WDPCP: variants seen among roughly 807,000 people sequenced by gnomAD.
WDPCP encodes WD repeat-containing and planar cell polarity effector protein fritz homolog.
Under a neutral mutation model 93.1 loss-of-function variants are expected in WDPCP, and 71 were observed. The ratio of observed to expected loss-of-function variants is 0.76; its 90% CI spans 0.63 to 0.93. WDPCP has a LOEUF of 0.93. Among genes scored for constraint, WDPCP ranks in the 40% least tolerant of loss-of-function variants. WDPCP has a pLI of 0.00. For synonymous variants in WDPCP, 315 were observed against 315.0 expected (o/e 1.00, Z 0.00); for missense variants, 844 against 887.4 (o/e 0.95, Z 0.62).
chr2:63,327,197 A>G (rs1687623661), intron 12 of WDPCP, among the ~76,000 whole-genome samples: 1 of 152,218 alleles, frequency 6.6e-6, no homozygotes, highest in African/African-American at 2.4e-5. Context: ...GTAGAAGCAG[A>G]CTTAGGAAAA....
chr2:63,592,551 G>T (rs777311009), upstream of WDPCP, among the ~76,000 whole-genome samples: 1 of 152,266 alleles, frequency 6.6e-6, no homozygotes, highest in South Asian at 2.1e-4. Flanking sequence ...TCACTATGTA[G>T]CCCAGGCTGG....
chr2:63,542,614 T>C (rs1382243540), intron 1 of WDPCP, among the ~76,000 whole-genome samples: 1 of 152,250 alleles, frequency 6.6e-6, no homozygotes, highest in Non-Finnish European at 1.5e-5. Context: ...TGTCTAAAAC[T>C]GGCTTGCATT....
At chr2:63,366,967 G>A (rs1292050806) in intron 12 of WDPCP, among the ~76,000 whole-genome samples, 1 of 151,796 alleles carries the variant, frequency 6.6e-6, no homozygotes, top group Non-Finnish European at 1.5e-5. Context: ...AGAATGTGAG[G>A]TTTAAATGTG....
At chr2:63,225,532 A>G (rs573082869) in intron 14 of WDPCP, among the ~76,000 whole-genome samples, 1 of 152,010 alleles carries the variant, frequency 6.6e-6, no homozygotes, top group East Asian at 1.9e-4. Flanking sequence ...CCCAGATATT[A>G]TACCCAAAAG....
intron 2 of WDPCP, among the ~76,000 whole-genome samples, chr2:63,761,247 C>G (rs1321707121): frequency 2.0e-5 from 3 of 152,178 alleles, no homozygotes; most frequent in Non-Finnish European, 4.4e-5. Context: ...CTTGCTCTCT[C>G]ACACTCTCTT....
chr2:63,529,283 G>C (rs1703620356), intron 1 of WDPCP, among the ~76,000 whole-genome samples: 1 of 152,166 alleles, frequency 6.6e-6, no homozygotes, highest in Admixed American at 6.5e-5. Context: ...GGGCATCCCT[G>C]TCTTGTGCAA....
At chr2:63,344,230 C>A (rs1031017250) in intron 12 of WDPCP, among the ~76,000 whole-genome samples, 1 of 152,142 alleles carries the variant, frequency 6.6e-6, no homozygotes, top group African/African-American at 2.4e-5. Flanking sequence ...TCTTGCAAAG[C>A]CTGTATTCCT....
chr2:63,432,752 T>C (rs777600284), intron 9 of WDPCP, among the ~76,000 whole-genome samples: 3 of 152,118 alleles, frequency 2.0e-5, no homozygotes, highest in African/African-American at 7.2e-5. Context: ...TCAGGATCCA[T>C]AGAAGCACTT....
At chr2:63,140,363 T>G (rs1670969883) in intron 17 of WDPCP, among the ~76,000 whole-genome samples, 1 of 152,156 alleles carries the variant, frequency 6.6e-6, no homozygotes, top group South Asian at 2.1e-4. Flanking sequence ...ATGGTGGTAT[T>G]TTGATGGGGA....
chr2:63,622,252 C>T, intron 3 of WDPCP: 1 of 1,611,156 alleles, frequency 6.2e-7, no homozygotes, highest in Admixed American at 1.7e-5. Context: ...TCTGTAGCTG[C>T]CAGTGCCGTC....
intron 6 of WDPCP, among the ~76,000 whole-genome samples, chr2:63,462,804 G>T (rs1406112646): frequency 1.3e-5 from 2 of 152,136 alleles, no homozygotes; most frequent in Non-Finnish European, 2.9e-5. Flanking sequence ...CAGGTTTCTG[G>T]TTTCTATAAA....
At chr2:63,337,311 G>A (rs1335076034) in intron 12 of WDPCP, among the ~76,000 whole-genome samples, 1 of 70,748 alleles carries the variant, frequency 1.4e-5, no homozygotes, top group Non-Finnish European at 2.4e-5. Flanking sequence ...CGTAGCAAGT[G>A]ACATGATTTC....
intron 12 of WDPCP, among the ~76,000 whole-genome samples, chr2:63,320,453 T>C (rs1375693426): frequency 1.3e-5 from 2 of 152,134 alleles, no homozygotes; most frequent in Non-Finnish European, 2.9e-5. Context: ...TAATATACAC[T>C]AGTCTGTTGA....
At chr2:63,391,969 TTTATAGA>T (rs1693290982) in intron 10 of WDPCP, among the ~76,000 whole-genome samples, 1 of 152,150 alleles carries the variant, frequency 6.6e-6, no homozygotes, top group South Asian at 2.1e-4. Flanking sequence ...CCCAAGGTAA[TTTATAGA>T]TTCAATGCCA....
At chr2:63,568,191 C>G (rs1707216994) in intron 1 of WDPCP, among the ~76,000 whole-genome samples, 1 of 152,114 alleles carries the variant, frequency 6.6e-6, no homozygotes, top group Non-Finnish European at 1.5e-5. Context: ...CTAGACTAAA[C>G]AAACATGAGA....
intron 1 of WDPCP, among the ~76,000 whole-genome samples, chr2:63,570,913 CT>C (rs916558273): frequency 8.2e-5 from 12 of 145,862 alleles, no homozygotes; most frequent in Non-Finnish European, 7.6e-5. Flanking sequence ...TTTTTTTTTT[CT>C]TTTTTTTTTG....
At chr2:63,146,170 C>T (rs1274274340) in intron 17 of WDPCP, among the ~76,000 whole-genome samples, 1 of 152,132 alleles carries the variant, frequency 6.6e-6, no homozygotes, top group East Asian at 1.9e-4. Flanking sequence ...GTTTGACTTC[C>T]TCTCTTCCTA....
chr2:63,422,018 A>C (rs899013140), intron 9 of WDPCP, among the ~76,000 whole-genome samples: 3 of 152,240 alleles, frequency 2.0e-5, no homozygotes, highest in Non-Finnish European at 4.4e-5. Context: ...ACGAATATGT[A>C]TATGTATAAA....
At chr2:63,197,703 C>G (rs983754820) in intron 14 of WDPCP, among the ~76,000 whole-genome samples, 5 of 152,142 alleles carry the variant, frequency 3.3e-5, no homozygotes, top group Admixed American at 6.5e-5. Flanking sequence ...TTAGCTCCCA[C>G]TTATAAGTGA....
Sources: allele counts gnomAD v4.1 joint callset (sites outside exome capture counted in the v4.1 genomes callset), GRCh38; gene constraint gnomAD v4.1.1; transcripts MANE v1.5; gene names NCBI Gene and HGNC (gene_info 2026-07-23, HGNC 2026-07-21).